Variants in VAV3 observed in about 807,000 individuals in gnomAD.
The protein encoded by VAV3 is guanine nucleotide exchange factor VAV3.
In VAV3, 94 loss-of-function variants were observed where a neutral mutation model predicts 131.2. That is an observed-to-expected ratio of 0.72 (90% CI 0.61 to 0.85). The LOEUF (loss-of-function observed/expected upper bound fraction) is 0.85, where lower values mean the gene tolerates loss of function less well. VAV3 is among the 40% of genes least tolerant of loss of function. The pLI is 0.00. For synonymous variants in VAV3, 349 were observed against 342.0 expected, an observed-to-expected ratio of 1.02 and a Z score of -0.22; for missense variants, 939 against 1,002.7, an observed-to-expected ratio of 0.94 and a Z score of 0.86.
intron 2 of VAV3, among the ~76,000 whole-genome samples, chr1:107,844,645 T>C (rs918850678): frequency 2.0e-5 from 3 of 152,184 alleles, no homozygotes; most frequent in African/African-American, 7.2e-5. Flanking sequence ...GAGGGAGGCT[T>C]GAGTAGGCAG....
chr1:107,711,632 A>G (rs1395339330), intron 15 of VAV3, among the ~76,000 whole-genome samples: 5 of 152,236 alleles, frequency 3.3e-5, no homozygotes, highest in Non-Finnish European at 7.3e-5. Context: ...AAATCCTAAC[A>G]TGAAAAGTTT....
rs868520191 is a variant in VAV3 at position 107,775,439 on chromosome 1, G to A, written c.446+1792C>T. Among the ~76,000 whole-genome samples, 15 of 151,826 alleles carry A rather than the reference G, an allele frequency of 9.9e-5. No homozygotes were observed. In the South Asian group the frequency reaches 1.9e-3, roughly 19 times the overall value. ...ACTAAAAATAAAAAATTAACTGGGC[G>A]CAGTGGCAGGCACCTGTAATCCCAG... On this transcript the variant is annotated intron_variant, in intron 4 of 26. Transcript: ENST00000370056.
intron 1 of VAV3, among the ~76,000 whole-genome samples, chr1:107,881,791 A>G (rs1670794808): frequency 6.6e-6 from 1 of 152,206 alleles, no homozygotes; most frequent in Non-Finnish European, 1.5e-5. Context: ...CCAGGTAGCT[A>G]CCACAACAGA....
intron 1 of VAV3, among the ~76,000 whole-genome samples, chr1:107,915,947 CA>C (rs373988860): frequency 1.2e-3 from 167 of 142,674 alleles, no homozygotes; most frequent in African/African-American, 2.4e-3. Flanking sequence ...GAAAGCATCA[CA>C]AAAAAAAAAG....
At chr1:107,736,300 G>C (rs559442649) in intron 15 of VAV3, among the ~76,000 whole-genome samples, 1 of 152,258 alleles carries the variant, frequency 6.6e-6, no homozygotes, top group East Asian at 1.9e-4. Context: ...ACTGGCACAA[G>C]ACAGGGATGC....
intron 1 of VAV3, among the ~76,000 whole-genome samples, chr1:107,887,915 G>A (rs1671114569): frequency 6.6e-6 from 1 of 151,818 alleles, no homozygotes; most frequent in African/African-American, 2.4e-5. Flanking sequence ...TAGGAAATAT[G>A]CATCATTAAA....
At chr1:107,690,762 G>A (rs1008916449) in intron 17 of VAV3, among the ~76,000 whole-genome samples, 11 of 152,064 alleles carry the variant, frequency 7.2e-5, no homozygotes, top group Non-Finnish European at 1.5e-4. Context: ...CAACTCCAAG[G>A]GCATGAGTCC....
rs567770705 is a variant in VAV3 at position 107,702,734 on chromosome 1, C to CA, written c.1705+1815_1705+1816insT. On this transcript the variant is annotated intron_variant, in intron 17 of 26. Coordinates refer to ENST00000370056, the MANE Select transcript of VAV3 (RefSeq NM_006113.5). Reference sequence around the variant, plus strand: ...TTAAAGTTTGGTGCTCCTTAACGTTCCCATCCACGTGTACTCCAGATCATG... The same window carrying CA: ...TTAAAGTTTGGTGCTCCTTAACGTTCACCATCCACGTGTACTCCAGATCATG... Among the ~76,000 whole-genome samples, 59 of 152,012 alleles carry CA rather than the reference C, an allele frequency of 3.9e-4. No homozygotes were observed. The East Asian group carries it at 7.3e-3, about 19-fold the overall frequency.
intron 22 of VAV3, 106 bp from the exon 23 acceptor site, chr1:107,603,269 T>C: frequency 1.2e-6 from 1 of 801,558 alleles, no homozygotes; most frequent in Non-Finnish European, 2.1e-6. Flanking sequence ...ATCTGAGCTG[T>C]TGGTAATTCT....
chr1:107,645,458 G>A (rs768053385), intron 19 of VAV3, among the ~76,000 whole-genome samples: 3 of 151,982 alleles, frequency 2.0e-5, no homozygotes, highest in Admixed American at 6.6e-5. Context: ...AGGGCACAGC[G>A]ATATAATGAA....
chr1:107,572,989 G>A lies in VAV3; in HGVS notation c.*342C>T, dbSNP rs1182424415. On this transcript the variant is annotated 3_prime_UTR_variant, in exon 27 of 27. Transcript: ENST00000370056. Reference sequence around the variant, plus strand: ...CAAAAGTGTATTAAGATTTACTGATGACTGGCATTCATGGTATCTGACCAG... The same window carrying A: ...CAAAAGTGTATTAAGATTTACTGATAACTGGCATTCATGGTATCTGACCAG... The A allele has an allele frequency of 3.5e-6, 1 of 287,266 alleles. No individual in the cohort carries two copies. Among genetic ancestry groups the A allele is most frequent in the African/African-American group, 2.2e-5 (1 of 46,258 alleles). 17.8% of individuals were successfully genotyped at this position (287,266 alleles called of 1,614,324 possible). A position where few individuals can be genotyped will look rare whatever the true frequency, so the allele number is the denominator to read the frequency against.
At chr1:107,910,705 C>A (rs555593344) in intron 1 of VAV3, among the ~76,000 whole-genome samples, 1 of 151,896 alleles carries the variant, frequency 6.6e-6, no homozygotes, top group Non-Finnish European at 1.5e-5. Flanking sequence ...TGAGGCCATG[C>A]GTGGTGGCTC....
At position 107,964,907 on chromosome 1, in the gene VAV3, C is replaced by G; in HGVS notation, c.-38G>C. 7.7e-7 allele frequency: 1 copy of G among 1,299,060 alleles called. No homozygotes were observed. Among genetic ancestry groups the G allele is most frequent in the East Asian group, 3.1e-5 (1 of 32,326 alleles). 80.5% of individuals were successfully genotyped at this position (1,299,060 alleles called of 1,614,324 possible). A position where few individuals can be genotyped will look rare whatever the true frequency, so the allele number is the denominator to read the frequency against. On this transcript the variant is annotated 5_prime_UTR_variant, in exon 1 of 27. Transcript: ENST00000370056. ...CGGGACGCGGCTGGGCCGGGGCGGGCGGCAAGGATGCGGCCGCCGCCGCCG... is the reference window on the plus strand; with the variant it reads ...CGGGACGCGGCTGGGCCGGGGCGGGGGGCAAGGATGCGGCCGCCGCCGCCG...
At chr1:107,936,191 G>A (rs1214054130) in intron 1 of VAV3, among the ~76,000 whole-genome samples, 1 of 152,052 alleles carries the variant, frequency 6.6e-6, no homozygotes, top group Non-Finnish European at 1.5e-5. Context: ...ATTTTTTTTA[G>A]TACTTGGAAA....
chr1:107,689,329 A>T (rs1178685137), intron 17 of VAV3, among the ~76,000 whole-genome samples: 2 of 152,070 alleles, frequency 1.3e-5, no homozygotes, highest in Non-Finnish European at 2.9e-5. Context: ...GGACAGAAAG[A>T]GCAGGCCTAA....
intron 16 of VAV3, 98 bp downstream of exon 16, chr1:107,704,862 C>T (rs1259018645): frequency 7.0e-6 from 9 of 1,284,158 alleles, no homozygotes; most frequent in Admixed American, 2.0e-5. Context: ...GCAAATTCCC[C>T]ACTTTAGAAC....
At chr1:107,618,785 T>C (rs1238683843) in intron 20 of VAV3, among the ~76,000 whole-genome samples, 1 of 152,180 alleles carries the variant, frequency 6.6e-6, no homozygotes, top group Non-Finnish European at 1.5e-5. Context: ...ACTGCCTCTC[T>C]GTACAAGCAT....
In VAV3 at chr1:107,964,817, G is replaced by T; in HGVS notation, c.53C>A (p.Pro18His). The change falls in exon 1 of 27, where the codon CCC (proline) becomes CAC (histidine). Residue 18 changes from proline (P) to histidine (H), a missense_variant. Coordinates refer to ENST00000370056, the MANE Select transcript of VAV3 (RefSeq NM_006113.5). ...AQWLIHCKVL[P>H]TNHRVTWDSA... ...GTCCCAGGTCACCCGGTGGTTGGTG[G>T]GCAGCACCTTGCAATGGATGAGCCA... The T allele has an allele frequency of 6.2e-7, 1 of 1,613,806 alleles. No individual in the cohort carries two copies. The highest frequency in any genetic ancestry group is 1.7e-4 in the Middle Eastern group (1 of 6,058).
chr1:107,799,883 T>G (rs1414909941), intron 2 of VAV3, among the ~76,000 whole-genome samples: 1 of 152,108 alleles, frequency 6.6e-6, no homozygotes, highest in African/African-American at 2.4e-5. Flanking sequence ...TAACCACCAA[T>G]CTCTCTCTGT....
Sources: gnomAD v4.1 joint callset for allele counts (sites outside exome capture counted in the v4.1 genomes callset) on GRCh38, gnomAD v4.1.1 for gene constraint, MANE v1.5 for transcripts, NCBI Gene and HGNC (gene_info 2026-07-23, HGNC 2026-07-21) for gene names.